Variants in XKR4 observed in about 807,000 individuals in gnomAD.
XKR4 encodes XK-related protein 4.
Under a neutral mutation model 53.9 loss-of-function variants are expected in XKR4, and 12 were observed. The observed-to-expected ratio is 0.22, with a 90% CI of 0.14 to 0.36. The LOEUF (loss-of-function observed/expected upper bound fraction) is 0.36. Among genes scored for constraint, XKR4 ranks in the 10% least tolerant of loss-of-function variants. The probability of loss-of-function intolerance (pLI) is 1.00; values close to 1 mark genes in which losing one functional copy is unlikely to be tolerated. For missense variants in XKR4, 799 were observed against 859.5 expected, an observed-to-expected ratio of 0.93 and a Z score of 0.88; for synonymous variants, 354 against 362.4, an observed-to-expected ratio of 0.98 and a Z score of 0.26.
At chr8:55,142,950 C>T (rs1390356039) in intron 1 of XKR4, among the ~76,000 whole-genome samples, 3 of 152,194 alleles carry the variant, frequency 2.0e-5, no homozygotes, top group African/African-American at 7.2e-5. Flanking sequence ...TGTGGGTGAC[C>T]ATGAGCATGG....
At chr8:55,415,859 C>T (rs956906662) in intron 2 of XKR4, among the ~76,000 whole-genome samples, 1 of 152,154 alleles carries the variant, frequency 6.6e-6, no homozygotes, top group African/African-American at 2.4e-5. Flanking sequence ...CAACTCTTGA[C>T]AGTCTTCTAC....
chr8:55,505,809 T>C (rs1476340690), intron 2 of XKR4, among the ~76,000 whole-genome samples: 1 of 152,244 alleles, frequency 6.6e-6, no homozygotes, highest in Non-Finnish European at 1.5e-5. Context: ...TATTTCCTTA[T>C]TAATCTTCTT....
At chr8:55,225,980 G>A (rs1415569736) in intron 1 of XKR4, among the ~76,000 whole-genome samples, 1 of 152,196 alleles carries the variant, frequency 6.6e-6, no homozygotes, top group Admixed American at 6.5e-5. Context: ...TAGGACCCTT[G>A]CCTCTGTCTG....
chr8:55,271,478 A>G (rs1346857471), intron 1 of XKR4, among the ~76,000 whole-genome samples: 3 of 152,182 alleles, frequency 2.0e-5, no homozygotes. Flanking sequence ...CTGGAAATAA[A>G]GGAAGACCAA....
At chr8:55,404,050 G>A (rs1804650897) in intron 2 of XKR4, among the ~76,000 whole-genome samples, 1 of 152,180 alleles carries the variant, frequency 6.6e-6, no homozygotes, top group Non-Finnish European at 1.5e-5. Flanking sequence ...GGAAGGCCCA[G>A]GAGTAGTTTC....
chr8:55,183,228 C>G (rs1817337414), intron 1 of XKR4, among the ~76,000 whole-genome samples: 1 of 151,112 alleles, frequency 6.6e-6, no homozygotes, highest in Non-Finnish European at 1.5e-5. Flanking sequence ...TTGATTTCTG[C>G]TCTAATATGT....
intron 1 of XKR4, among the ~76,000 whole-genome samples, chr8:55,290,344 G>A (rs1461450920): frequency 6.6e-6 from 1 of 152,010 alleles, no homozygotes; most frequent in Non-Finnish European, 1.5e-5. Context: ...TGCCCAAGCT[G>A]GTCTCGAACT....
intron 2 of XKR4, chr8:55,452,095 TAG>T (rs2129396451): frequency 1.4e-6 from 1 of 698,996 alleles, no homozygotes; most frequent in Non-Finnish European, 2.6e-6. Flanking sequence ...GGTGTGTAGG[TAG>T]AGCCCAGGGT....
chr8:55,400,994 G>A lies in XKR4; in HGVS notation c.1006+43117G>A, dbSNP rs148269220. Among the ~76,000 whole-genome samples, 306 of 152,300 alleles carry A rather than the reference G, an allele frequency of 2.0e-3. 1 individual carries two copies. The highest frequency in any genetic ancestry group is 3.5e-3 in the South Asian group (17 of 4,826). ...GTATTAACTCAGACATACACACCTA[G>A]CACTTGACTCATAGGTACATGCTGC... On this transcript the variant is annotated intron_variant, in intron 2 of 2. Coordinates refer to ENST00000327381, the MANE Select transcript of XKR4 (RefSeq NM_052898.2).
chr8:55,178,495 C>T (rs1210540599), intron 1 of XKR4, among the ~76,000 whole-genome samples: 1 of 152,160 alleles, frequency 6.6e-6, no homozygotes, highest in Non-Finnish European at 1.5e-5. Context: ...TCTATAATAA[C>T]TATTATTACT....
intron 1 of XKR4, among the ~76,000 whole-genome samples, chr8:55,311,361 G>A (rs546990993): frequency 6.6e-6 from 1 of 152,200 alleles, no homozygotes. Flanking sequence ...AGGGCCCCCA[G>A]GAGCAAATGA....
At chr8:55,495,978 A>G (rs1485374161) in intron 2 of XKR4, among the ~76,000 whole-genome samples, 1 of 152,244 alleles carries the variant, frequency 6.6e-6, no homozygotes, top group Non-Finnish European at 1.5e-5. Context: ...CCTCAAGCAT[A>G]ACATCAAGGT....
At chr8:55,283,612 G>A (rs759668790) in intron 1 of XKR4, among the ~76,000 whole-genome samples, 6 of 152,204 alleles carry the variant, frequency 3.9e-5, no homozygotes, top group Non-Finnish European at 8.8e-5. Context: ...TTTTGTGGAG[G>A]AGAATGCTAC....
At chr8:55,382,599 A>G (rs1335271801) in intron 2 of XKR4, among the ~76,000 whole-genome samples, 2 of 152,184 alleles carry the variant, frequency 1.3e-5, no homozygotes, top group African/African-American at 4.8e-5. Context: ...AATCTCAACT[A>G]GGTATTAATT....
chr8:55,173,929 A>C (rs1338953993), intron 1 of XKR4, among the ~76,000 whole-genome samples: 1 of 152,232 alleles, frequency 6.6e-6, no homozygotes, highest in South Asian at 2.1e-4. Flanking sequence ...TAAAAGATAA[A>C]GAAATTGACA....
chr8:55,224,518 C>T (rs1477133315), intron 1 of XKR4, among the ~76,000 whole-genome samples: 4 of 152,166 alleles, frequency 2.6e-5, no homozygotes, highest in Non-Finnish European at 4.4e-5. Flanking sequence ...ATTCTTGACT[C>T]TCCACAATTG....
At chr8:55,499,165 A>G (rs1418886487) in intron 2 of XKR4, among the ~76,000 whole-genome samples, 3 of 152,254 alleles carry the variant, frequency 2.0e-5, no homozygotes, top group African/African-American at 4.8e-5. Flanking sequence ...TAGAAACTAT[A>G]GGCACCAAAG....
At chr8:55,507,225 C>T (rs1046465272) in intron 2 of XKR4, among the ~76,000 whole-genome samples, 2 of 152,130 alleles carry the variant, frequency 1.3e-5, no homozygotes, top group Admixed American at 6.5e-5. Flanking sequence ...CATGTATAAA[C>T]CCAGAGTTTT....
chr8:55,368,235 G>A (rs1266201639), intron 2 of XKR4, among the ~76,000 whole-genome samples: 3 of 152,202 alleles, frequency 2.0e-5, no homozygotes, highest in Admixed American at 6.5e-5. Context: ...GATTACAGGT[G>A]TGAGCCATGG....
Sources: allele counts gnomAD v4.1 joint callset (sites outside exome capture counted in the v4.1 genomes callset), GRCh38; gene constraint gnomAD v4.1.1; transcripts MANE v1.5; gene names NCBI Gene and HGNC (gene_info 2026-07-23, HGNC 2026-07-21).